The following SFXN1 variants were observed in gnomAD, a reference collection of about 807,000 sequenced individuals.
SFXN1 encodes the protein sideroflexin-1.
In SFXN1, 32 loss-of-function variants were observed where a neutral mutation model predicts 39.5. The observed-to-expected ratio is 0.81, with a 90% CI of 0.61 to 1.09. The LOEUF (loss-of-function observed/expected upper bound fraction) is 1.09. Among genes scored for constraint, SFXN1 ranks in the 50% least tolerant of loss-of-function variants. SFXN1 has a pLI of 0.00. For missense variants in SFXN1, 402 were observed against 407.1 expected, an observed-to-expected ratio of 0.99 and a Z score of 0.11; for synonymous variants, 136 against 146.5, an observed-to-expected ratio of 0.93 and a Z score of 0.52.
intron 1 of SFXN1, among the ~76,000 whole-genome samples, chr5:175,488,811 A>C (rs954938970): frequency 1.3e-5 from 2 of 152,200 alleles, no homozygotes; most frequent in Non-Finnish European, 2.9e-5. Flanking sequence ...TGGGAGGATC[A>C]GCTGAGCCCA....
intron 2 of SFXN1, among the ~76,000 whole-genome samples, chr5:175,494,791 G>T (rs1038848891): frequency 6.6e-6 from 1 of 151,474 alleles, no homozygotes; most frequent in Non-Finnish European, 1.5e-5. Context: ...ATATGCAAGT[G>T]CATCAAACAT....
chr5:175,521,737 G>A (rs1254958463), intron 8 of SFXN1, 182 bp from the exon 9 acceptor site: 2 of 495,794 alleles, frequency 4.0e-6, no homozygotes, highest in East Asian at 5.6e-5. Flanking sequence ...CTGATTTACA[G>A]ATCAAAGAAG....
At chr5:175,514,841 C>T (rs1435212747) in intron 7 of SFXN1, among the ~76,000 whole-genome samples, 1 of 152,214 alleles carries the variant, frequency 6.6e-6, no homozygotes, top group African/African-American at 2.4e-5. Flanking sequence ...GGTGGCTGCA[C>T]AGCCACAGTC....
At chr5:175,486,689 G>A (rs751590748) in intron 1 of SFXN1, among the ~76,000 whole-genome samples, 1 of 152,060 alleles carries the variant, frequency 6.6e-6, no homozygotes, top group Non-Finnish European at 1.5e-5. Flanking sequence ...GAGGTGGGAG[G>A]ATCACCTGAG....
intron 7 of SFXN1, among the ~76,000 whole-genome samples, chr5:175,514,371 A>G (rs1477994125): frequency 6.6e-6 from 1 of 152,150 alleles, no homozygotes; most frequent in Non-Finnish European, 1.5e-5. Context: ...TCTACATTGT[A>G]TTTAGTTCTG....
intron 7 of SFXN1, among the ~76,000 whole-genome samples, chr5:175,514,357 A>G (rs988790456): frequency 3.3e-5 from 5 of 152,130 alleles, no homozygotes; most frequent in African/African-American, 9.7e-5. Flanking sequence ...CCAAAAATAG[A>G]AAGTCTACAT....
intron 1 of SFXN1, among the ~76,000 whole-genome samples, chr5:175,488,151 A>G (rs1277821326): frequency 1.3e-5 from 2 of 152,110 alleles, no homozygotes; most frequent in Non-Finnish European, 2.9e-5. Context: ...TTGCAGAGTG[A>G]AATGCAAAGG....
intron 4 of SFXN1, 30 bp from the exon 5 acceptor site, chr5:175,511,421 C>T (rs749712259): frequency 1.0e-5 from 16 of 1,580,750 alleles, no homozygotes; most frequent in South Asian, 4.5e-5. Flanking sequence ...ATGCCCTCGT[C>T]GTCCACACGA....
chr5:175,485,248 C>T (rs1759406965), intron 1 of SFXN1, among the ~76,000 whole-genome samples: 2 of 152,304 alleles, frequency 1.3e-5, no homozygotes, highest in South Asian at 4.1e-4. Flanking sequence ...GTATTCATTT[C>T]CTATTGCTGT....
At chr5:175,480,913 A>T (rs370166901) in intron 1 of SFXN1, among the ~76,000 whole-genome samples, 90 of 152,314 alleles carry the variant, frequency 5.9e-4, no homozygotes, top group African/African-American at 2.1e-3. Flanking sequence ...TCCATTTTTT[A>T]AAAAGGGGGG....
chr5:175,510,766 A>G (rs1488418805), intron 4 of SFXN1, among the ~76,000 whole-genome samples: 3 of 152,358 alleles, frequency 2.0e-5, no homozygotes, highest in Middle Eastern at 3.4e-3. Flanking sequence ...TTAGTTAACC[A>G]AAAACGTTAG....
chr5:175,501,690 A>T (rs1156867660), intron 2 of SFXN1, among the ~76,000 whole-genome samples: 2 of 152,182 alleles, frequency 1.3e-5, no homozygotes, highest in Non-Finnish European at 2.9e-5. Context: ...AGGACACTTC[A>T]CCATAGAAGA....
At chr5:175,481,443 T>G (rs1581255675) in intron 1 of SFXN1, among the ~76,000 whole-genome samples, 1 of 152,330 alleles carries the variant, frequency 6.6e-6, no homozygotes, top group East Asian at 1.9e-4. Flanking sequence ...TGCCTCAACC[T>G]CCCAAGTAGC....
intron 8 of SFXN1, among the ~76,000 whole-genome samples, chr5:175,520,576 C>T (rs1036228047): frequency 2.6e-5 from 4 of 152,158 alleles, no homozygotes; most frequent in Admixed American, 6.5e-5. Flanking sequence ...ACAGTCAGCA[C>T]GTAGTTTGCA....
At position 175,499,812 on chromosome 5, in the gene SFXN1, C is replaced by CT. The variant is rs923495116; in HGVS notation, c.164+7554dup. ...CTAGGGCAATAAGAGAAAATTTAAA[C>CT]TTTTTTTTTCAAAAAAGACAAAGAT... On this transcript the variant is annotated intron_variant, in intron 2 of 10. Coordinates refer to ENST00000321442, the MANE Select transcript of SFXN1 (RefSeq NM_022754.7). Among the ~76,000 whole-genome samples, 11 of 151,676 alleles carry CT rather than the reference C, an allele frequency of 7.3e-5. No homozygotes were observed. The South Asian group carries it at 1.5e-3, about 20-fold the overall frequency.
intron 1 of SFXN1, among the ~76,000 whole-genome samples, chr5:175,489,778 G>A (rs1323153798): frequency 6.6e-6 from 1 of 152,106 alleles, no homozygotes; most frequent in African/African-American, 2.4e-5. Context: ...CCAGCACAAG[G>A]CTGGGCATGG....
At chr5:175,520,570 T>C (rs2113357906) in intron 8 of SFXN1, among the ~76,000 whole-genome samples, 1 of 152,284 alleles carries the variant, frequency 6.6e-6, no homozygotes, top group East Asian at 1.9e-4. Flanking sequence ...TGAGCCACAG[T>C]CAGCACGTAG....
chr5:175,521,823 T>G, intron 8 of SFXN1, 96 bp from the exon 9 acceptor site: 2 of 966,406 alleles, frequency 2.1e-6, no homozygotes, highest in Non-Finnish European at 3.1e-6. Flanking sequence ...ATCTGAATCT[T>G]GAAATGTGGT....
chr5:175,485,369 G>A (rs1403562908), intron 1 of SFXN1, among the ~76,000 whole-genome samples: 1 of 152,164 alleles, frequency 6.6e-6, no homozygotes. Flanking sequence ...GGAGGCTCTA[G>A]GGCAGAGCCC....
Sources: gnomAD v4.1 joint callset for allele counts (sites outside exome capture counted in the v4.1 genomes callset) on GRCh38, gnomAD v4.1.1 for gene constraint, MANE v1.5 for transcripts, NCBI Gene and HGNC (gene_info 2026-07-23, HGNC 2026-07-21) for gene names.